Variants in PLK4 observed in about 807,000 individuals in gnomAD.
The protein encoded by PLK4 is serine/threonine-protein kinase PLK4.
In PLK4, 51 loss-of-function variants were observed where a neutral mutation model predicts 103.0. The observed-to-expected ratio is 0.50, with a 90% CI of 0.40 to 0.63. PLK4 has a LOEUF of 0.63. Among genes scored for constraint, PLK4 ranks in the 20% least tolerant of loss-of-function variants. The probability of loss-of-function intolerance (pLI) is 0.00; values close to 1 mark genes in which losing one functional copy is unlikely to be tolerated. For missense variants in PLK4, 1,054 were observed against 1,151.0 expected (o/e 0.92, Z 1.22); for synonymous variants, 389 against 376.8 (o/e 1.03, Z -0.38).
intron 6 of PLK4, among the ~76,000 whole-genome samples, chr4:127,887,871 C>CA (rs34675793): frequency 0.067 from 2,693 of 40,172 alleles, 194 homozygotes; most frequent in East Asian, 0.36. Flanking sequence ...GAGACCCTGT[C>CA]AAAAAAAAAA....
Position 127,887,441 on chromosome 4 carries a change from C to A in PLK4, c.1404C>A (p.Asp468Glu). The change falls in exon 6 of 16, where the codon GAC (aspartate) becomes GAA (glutamate). Residue 468 changes from aspartate (D) to glutamate (E), a missense_variant. This residue lies in a region of PLK4 where 680 missense variants were observed against 660.3 expected (regional missense o/e 1.03). Coordinates refer to ENST00000270861, the MANE Select transcript of PLK4 (RefSeq NM_014264.5). ...CPGKTPFPFA[D>E]PTPQTETVQQ... ...GAAAAACTCCTTTTCCATTTGCAGACCCGACACCTCAGACTGAAACCGTAC... is the reference window on the plus strand; with the variant it reads ...GAAAAACTCCTTTTCCATTTGCAGAACCGACACCTCAGACTGAAACCGTAC... 1 of 1,611,828 alleles carries A rather than the reference C, an allele frequency of 6.2e-7. No individual in the cohort carries two copies. Among genetic ancestry groups the A allele is most frequent in the Non-Finnish European group, 8.5e-7 (1 of 1,178,490 alleles).
chr4:127,897,303 A>G (rs546445540), intron 15 of PLK4, among the ~76,000 whole-genome samples: 1 of 152,344 alleles, frequency 6.6e-6, no homozygotes, highest in African/African-American at 2.4e-5. Flanking sequence ...ATGAAAGGCT[A>G]TATCCCCAAT....
In PLK4 at chr4:127,893,424, T is replaced by C; in HGVS notation, c.2322+6T>C. The C allele has an allele frequency of 2.5e-6, 4 of 1,604,004 alleles. No individual in the cohort carries two copies. Among genetic ancestry groups the C allele is most frequent in the Non-Finnish European group, 2.6e-6 (3 of 1,175,220 alleles). ...ATATGGACCATGCTAATGAGGTACA[T>C]ACCTAATTGTAGGTTTTTCATACCA... On this transcript the variant is annotated splice_donor_region_variant and intron_variant, in intron 11 of 15. Coordinates refer to ENST00000270861, the MANE Select transcript of PLK4 (RefSeq NM_014264.5).
rs1325822670 is a variant in PLK4 at position 127,891,073 on chromosome 4, G to A, written c.1831-19G>A. 8.4e-7 allele frequency: 1 copy of A among 1,190,352 alleles called. No individual in the cohort carries two copies. Among genetic ancestry groups the A allele is most frequent in the Non-Finnish European group, 1.2e-6 (1 of 826,512 alleles). The allele number at this position is 1,190,352 out of a possible 1,614,324, so 73.7% of individuals were successfully genotyped here. ...AAACAAAAGAATTATTACTGATTTTGGGTTTTTTTTTTTTTTAGGTGAGCA... is the reference window on the plus strand; with the variant it reads ...AAACAAAAGAATTATTACTGATTTTAGGTTTTTTTTTTTTTTAGGTGAGCA... On this transcript the variant is annotated intron_variant, in intron 7 of 15. Coordinates refer to ENST00000270861, the MANE Select transcript of PLK4 (RefSeq NM_014264.5).
chr4:127,895,195 C>A (rs1735517179), intron 14 of PLK4, 102 bp downstream of exon 14: 2 of 803,622 alleles, frequency 2.5e-6, no homozygotes, highest in Non-Finnish European at 3.7e-6. Flanking sequence ...GTAATGATAT[C>A]TTTTTACAAG....
chr4:127,889,975 A>T lies in PLK4; in HGVS notation c.1569A>T (p.Lys523Asn), dbSNP rs1383288429. 3 of 1,614,006 alleles carry T rather than the reference A, an allele frequency of 1.9e-6. No homozygotes were observed. The highest frequency in any genetic ancestry group is 2.5e-6 in the Non-Finnish European group (3 of 1,179,964). ...DTSKNAWTDTKVKKNSDASDN... is the reference protein window; with the variant it reads ...DTSKNAWTDTNVKKNSDASDN... ...CAAAAAATGCCTGGACTGATACAAA[A>T]GTCAAAAAGAACTCTGATGCTTCTG... The change falls in exon 7 of 16, where the codon AAA becomes AAT. Residue 523 changes from lysine (K) to asparagine (N), a missense_variant. Around this residue, in one of 4 missense-constraint regions of PLK4, gnomAD observed 680 missense variants for 660.3 expected, o/e 1.03. Transcript: ENST00000270861.
chr4:127,895,613 G>A (rs1735538444), intron 14 of PLK4, among the ~76,000 whole-genome samples: 1 of 151,582 alleles, frequency 6.6e-6, no homozygotes, highest in Admixed American at 6.6e-5. Context: ...AGTAGAGACG[G>A]GGTTTCACCA....
At chr4:127,884,067 AT>A (rs1227778246) in intron 4 of PLK4, among the ~76,000 whole-genome samples, 1 of 152,212 alleles carries the variant, frequency 6.6e-6, no homozygotes, top group African/African-American at 2.4e-5. Context: ...TTATAGACAT[AT>A]TTTTAACTAG....
chr4:127,886,175 T>G lies in PLK4; in HGVS notation c.805T>G (p.Ser269Ala). 1 of 1,614,040 alleles carries G rather than the reference T, an allele frequency of 6.2e-7. No homozygotes were observed. The highest frequency in any genetic ancestry group is 8.5e-7 in the Non-Finnish European group (1 of 1,179,978). Reference sequence around the variant, plus strand: ...GGACCATCCTTTTATGTCCCGAAATTCTTCAACAAAAAGTAAAGATTTAGG... The same window carrying G: ...GGACCATCCTTTTATGTCCCGAAATGCTTCAACAAAAAGTAAAGATTTAGG... ...VLDHPFMSRN[S>A]STKSKDLGTV... Residue 269 changes from serine (S) to alanine (A), a missense_variant, in exon 5 of 16, where the codon TCT (serine) becomes GCT (alanine). Ser to Ala is a moderately conservative substitution (Grantham distance 99). Coordinates refer to ENST00000270861, the MANE Select transcript of PLK4 (RefSeq NM_014264.5).
intron 4 of PLK4, among the ~76,000 whole-genome samples, chr4:127,884,287 G>A (rs1277662473): frequency 6.6e-6 from 1 of 152,178 alleles, no homozygotes; most frequent in African/African-American, 2.4e-5. Flanking sequence ...TTACAGACAA[G>A]CTAACAGAAG....
intron 6 of PLK4, among the ~76,000 whole-genome samples, chr4:127,888,080 T>C (rs544631831): frequency 6.6e-4 from 91 of 137,902 alleles, no homozygotes; most frequent in African/African-American, 2.3e-3. Flanking sequence ...CTCGGATGGC[T>C]GAGGCACAAG....
rs1229634095 is a variant in PLK4, at chr4:127,890,083, A to T, written c.1677A>T (p.Glu559Asp). Residue 559 changes from glutamate (E) to aspartate (D), a missense_variant, in exon 7 of 16, where the codon GAA (glutamate) becomes GAT (aspartate). By Grantham distance (45) the Glu-to-Asp change is conservative. Coordinates refer to ENST00000270861, the MANE Select transcript of PLK4 (RefSeq NM_014264.5). ...GTAAACCTGAGATAATCCAACAAGAATGTGTTTTTGGCTCAGATCCTCTTT... is the reference window on the plus strand; with the variant it reads ...GTAAACCTGAGATAATCCAACAAGATTGTGTTTTTGGCTCAGATCCTCTTT... Reference protein sequence around the residue: ...LHSKPEIIQQECVFGSDPLSE... With the variant: ...LHSKPEIIQQDCVFGSDPLSE... 9 of 1,614,042 alleles carry T rather than the reference A, an allele frequency of 5.6e-6. No individual in the cohort carries two copies.
chr4:127,897,196 G>A (rs1415120520), intron 15 of PLK4, among the ~76,000 whole-genome samples: 1 of 152,058 alleles, frequency 6.6e-6, no homozygotes, highest in Non-Finnish European at 1.5e-5. Context: ...AGAAGTAAGG[G>A]ACTCCTAATT....
In PLK4 at chr4:127,899,078, C is replaced by T. The variant is rs1025680728; in HGVS notation, c.*537C>T. ...TAAATATAGTGATAAGTTACATTATCTTTTGATTCATTTAATTAAATACTT... is the reference window on the plus strand; with the variant it reads ...TAAATATAGTGATAAGTTACATTATTTTTTGATTCATTTAATTAAATACTT... On this transcript the variant is annotated 3_prime_UTR_variant, in exon 16 of 16. Coordinates refer to ENST00000270861, the MANE Select transcript of PLK4 (RefSeq NM_014264.5). The T allele has an allele frequency of 6.6e-6, 1 of 152,170 alleles. No homozygotes were observed. Among genetic ancestry groups the T allele is most frequent in the Non-Finnish European group, 1.5e-5 (1 of 68,004 alleles). The allele number at this position is 152,170 out of a possible 1,614,324, so 9.4% of individuals were successfully genotyped here.
chr4:127,897,824 C>CTTGTTT (rs1735626662), intron 15 of PLK4, among the ~76,000 whole-genome samples: 1 of 28,802 alleles, frequency 3.5e-5, no homozygotes, highest in African/African-American at 1.8e-4. Context: ...AGAATTAGGG[C>CTTGTTT]TTTTTTTTTT....
intron 14 of PLK4, among the ~76,000 whole-genome samples, chr4:127,895,567 G>A (rs1392203490): frequency 1.4e-5 from 2 of 143,296 alleles, no homozygotes; most frequent in Non-Finnish European, 3.0e-5. Flanking sequence ...GACTACAGGC[G>A]CCCACTGCCA....
chr4:127,891,483 T>C lies in PLK4; in HGVS notation c.1936-96T>C, dbSNP rs559153823. ...TAACATTTTTCTATAAAATAATATT[T>C]AATGTTACATTTAAACACTTTGTAT... On this transcript the variant is annotated intron_variant, in intron 8 of 15. Transcript: ENST00000270861. 1.6e-3 allele frequency: 785 copies of C among 496,504 alleles called. 5 individuals carry two copies. The highest frequency in any genetic ancestry group is 0.016 in the Middle Eastern group (27 of 1,722). 30.8% of individuals were successfully genotyped at this position (496,504 alleles called of 1,614,324 possible). A position where few individuals can be genotyped will look rare whatever the true frequency, so the allele number is the denominator to read the frequency against.
chr4:127,886,486 C>G lies in PLK4; in HGVS notation c.1116C>G (p.Tyr372Ter). Residue 372 changes from tyrosine (Y) to a stop codon, truncating the protein, a stop_gained, in exon 5 of 16, where the codon TAC (tyrosine) becomes TAG (stop). Coordinates refer to ENST00000270861, the MANE Select transcript of PLK4 (RefSeq NM_014264.5). LOFTEE classifies it high-confidence loss of function. ...CAGAAGAAAGGCCACATTCTCGATA[C>G]CTTCGTAGAGCTTATTCCTCTGATA... ...QDAEERPHSR[Y>*]LRRAYSSDRS... 1 of 1,613,940 alleles carries G rather than the reference C, an allele frequency of 6.2e-7. No homozygotes were observed. The highest frequency in any genetic ancestry group is 8.5e-7 in the Non-Finnish European group (1 of 1,179,844).
chr4:127,894,974 G>A lies in PLK4; in HGVS notation c.2584G>A (p.Gly862Ser), dbSNP rs186628977. The change falls in exon 14 of 16, where the codon GGT becomes AGT. Residue 862 changes from glycine to serine, a missense_variant. This residue lies in a region of PLK4 where 167 missense variants were observed against 200.7 expected (regional missense o/e 0.83). Transcript: ENST00000270861. ...GTAGATGGTTACAAATGAAGGACTTGGTCTTACAACTACAGCTTCTGGAAC... is the reference window on the plus strand; with the variant it reads ...GTAGATGGTTACAAATGAAGGACTTAGTCTTACAACTACAGCTTCTGGAAC... ...NPSMVTNEGLGLTTTASGTDI... is the reference protein window; with the variant it reads ...NPSMVTNEGLSLTTTASGTDI... 6.2e-7 allele frequency: 1 copy of A among 1,602,002 alleles called. No homozygotes were observed. Among genetic ancestry groups the A allele is most frequent in the Admixed American group, 1.7e-5 (1 of 58,886 alleles).
Sources: gnomAD v4.1 joint callset for allele counts (sites outside exome capture counted in the v4.1 genomes callset) on GRCh38, gnomAD v4.1.1 for gene constraint, gnomAD v4.1.1 regional missense constraint, MANE v1.5 for transcripts, NCBI Gene and HGNC (gene_info 2026-07-23, HGNC 2026-07-21) for gene names.